ECPAS: variants seen among roughly 807,000 people sequenced by gnomAD.
ECPAS encodes the protein proteasome adapter and scaffold protein ECM29.
Under a neutral mutation model 255.1 loss-of-function variants are expected in ECPAS, and 70 were observed. The observed-to-expected ratio is 0.27, with a 90% CI of 0.23 to 0.33. The LOEUF is 0.33. Ranked by LOEUF, ECPAS falls within the 10% of genes least tolerant of loss-of-function variation. The probability of loss-of-function intolerance (pLI) is 1.00; values close to 1 mark genes in which losing one functional copy is unlikely to be tolerated. For missense variants in ECPAS, 1,817 were observed against 2,206.4 expected, an observed-to-expected ratio of 0.82 and a Z score of 3.54; for synonymous variants, 784 against 775.0, an observed-to-expected ratio of 1.01 and a Z score of -0.19.
chr9:111,384,653 G>A, intron 33 of ECPAS, 84 bp from the exon 34 acceptor site: 1 of 1,202,384 alleles, frequency 8.3e-7, no homozygotes, highest in Non-Finnish European at 1.2e-6. Flanking sequence ...AATTGCCTCA[G>A]GCCCTACAGA....
At chr9:111,462,759 T>C (rs1209413936) in intron 2 of ECPAS, among the ~76,000 whole-genome samples, 2 of 98,396 alleles carry the variant, frequency 2.0e-5, no homozygotes, top group African/African-American at 7.7e-5. Flanking sequence ...TTTTTTTTTT[T>C]TGAGACAGAG....
chr9:111,379,112 C>T (rs193143561), intron 35 of ECPAS, among the ~76,000 whole-genome samples: 4 of 152,174 alleles, frequency 2.6e-5, no homozygotes, highest in Admixed American at 2.6e-4. Context: ...TCATTTATAC[C>T]TCCTCCATAC....
In ECPAS at chr9:111,425,474, G is replaced by A. The variant is rs756389010; in HGVS notation, c.1159C>T (p.Pro387Ser). 3.3e-5 allele frequency: 53 copies of A among 1,598,814 alleles called. No homozygotes were observed. In the East Asian group the frequency reaches 3.8e-4, roughly 12 times the overall value. The change falls in exon 12 of 50, where the codon CCA becomes TCA. Residue 387 changes from proline to serine, a missense_variant. Physicochemically the swap from Pro to Ser is moderately conservative, Grantham distance 74. This residue lies in a region of ECPAS where 573 missense variants were observed against 716.2 expected (regional missense o/e 0.80). Coordinates refer to ENST00000684092, the MANE Select transcript of ECPAS (RefSeq NM_001364929.1). ...CITCPEIKIKPLGPMLLNGLT... is the reference protein window; with the variant it reads ...CITCPEIKIKSLGPMLLNGLT... Reference sequence around the variant, plus strand: ...CCATTCAAAAGCATTGGACCTAATGGCTTAATCTTGATTTCTGGACAGCTT... The same window carrying A: ...CCATTCAAAAGCATTGGACCTAATGACTTAATCTTGATTTCTGGACAGCTT...
intron 3 of ECPAS, among the ~76,000 whole-genome samples, chr9:111,447,138 T>C (rs1293421730): frequency 6.6e-6 from 1 of 152,060 alleles, no homozygotes; most frequent in African/African-American, 2.4e-5. Context: ...ATTTTTTTTT[T>C]TTCCGAGACA....
At chr9:111,404,244 G>A (rs1188168514) in intron 24 of ECPAS, among the ~76,000 whole-genome samples, 1 of 148,606 alleles carries the variant, frequency 6.7e-6, no homozygotes, top group Non-Finnish European at 1.5e-5. Context: ...AATTAATAAA[G>A]GAAAGAAATA....
At chr9:111,414,209 C>T (rs758844570) in intron 19 of ECPAS, among the ~76,000 whole-genome samples, 6 of 152,036 alleles carry the variant, frequency 3.9e-5, no homozygotes, top group Admixed American at 6.6e-5. Context: ...TTCTTCACAT[C>T]CACTTCCGAA....
rs1177478877 is a variant in ECPAS at position 111,362,175 on chromosome 9, T to C, written c.5381-6A>G. The C allele has an allele frequency of 2.1e-6, 3 of 1,422,070 alleles. No homozygotes were observed. In the South Asian group the frequency reaches 4.6e-5, roughly 22 times the overall value. 88.1% of individuals were successfully genotyped at this position (1,422,070 alleles called of 1,614,324 possible). ...ACATTCCCACTGTTTAGATTCTGCA[T>C]GAAAAAAAAAAAACAAAAACAAAAA... On this transcript the variant is annotated splice_polypyrimidine_tract_variant and splice_region_variant and intron_variant, in intron 49 of 49. Transcript: ENST00000684092.
chr9:111,454,948 T>C (rs2098265047), intron 2 of ECPAS, among the ~76,000 whole-genome samples: 1 of 152,034 alleles, frequency 6.6e-6, no homozygotes, highest in African/African-American at 2.4e-5. Context: ...AGACAGAGGC[T>C]GGTCTTGAAT....
intron 33 of ECPAS, among the ~76,000 whole-genome samples, chr9:111,385,104 C>G (rs1022828181): frequency 1.3e-5 from 2 of 152,090 alleles, no homozygotes; most frequent in African/African-American, 4.8e-5. Flanking sequence ...ATCATGAGAT[C>G]TCTATTGAAA....
chr9:111,393,775 C>G (rs763581313), intron 26 of ECPAS, 41 bp from the exon 27 acceptor site: 8 of 1,324,818 alleles, frequency 6.0e-6, no homozygotes, highest in Non-Finnish European at 8.6e-6. Flanking sequence ...GAAACTCTAC[C>G]TCTTTGAGAG....
intron 2 of ECPAS, among the ~76,000 whole-genome samples, chr9:111,452,449 G>A (rs1238262938): frequency 6.6e-6 from 1 of 152,052 alleles, no homozygotes; most frequent in Non-Finnish European, 1.5e-5. Context: ...ATATTTAAAG[G>A]AATCTTTTTT....
intron 2 of ECPAS, among the ~76,000 whole-genome samples, chr9:111,454,343 G>A (rs1187348078): frequency 6.6e-6 from 1 of 152,120 alleles, no homozygotes; most frequent in Non-Finnish European, 1.5e-5. Context: ...GGAGGGTGTG[G>A]AATATCCAGT....
Position 111,480,287 on chromosome 9 carries a change from C to CTT in ECPAS, c.-83+3827_-83+3828dup, listed in dbSNP as rs1282400347. Among the ~76,000 whole-genome samples the CTT allele has an allele frequency of 5.5e-3, 628 of 113,524 alleles. 28 individuals are homozygous for CTT. Among genetic ancestry groups the CTT allele is most frequent in the African/African-American group, 0.019 (552 of 29,284 alleles). The allele number at this position is 113,524 out of a possible 152,430, so 74.5% of individuals were successfully genotyped here. On this transcript the variant is annotated intron_variant, in intron 1 of 49. Coordinates refer to ENST00000684092, the MANE Select transcript of ECPAS (RefSeq NM_001364929.1). ...TTTTTAGTGGAATTCTTAAAAGCAC[C>CTT]TTTTCTTTTTTTTTTTTTTTTTTTT...
chr9:111,411,518 C>G (rs577330284), intron 21 of ECPAS: 31 of 188,368 alleles, frequency 1.6e-4, no homozygotes, highest in African/African-American at 7.2e-4. Context: ...CTTCCTATTG[C>G]CAACAAAAGA....
intron 27 of ECPAS, 37 bp downstream of exon 27, chr9:111,393,643 T>C (rs760891612): frequency 3.0e-5 from 40 of 1,313,756 alleles, no homozygotes; most frequent in Non-Finnish European, 4.2e-5. Context: ...AAAATACAAG[T>C]TCAATTAAGT....
chr9:111,383,404 C>A, intron 34 of ECPAS, 72 bp from the exon 35 acceptor site: 1 of 1,515,402 alleles, frequency 6.6e-7, no homozygotes, highest in East Asian at 2.4e-5. Context: ...TGACAAAAGA[C>A]TTTCTACTTC....
intron 2 of ECPAS, among the ~76,000 whole-genome samples, chr9:111,459,161 G>T (rs940378766): frequency 1.3e-5 from 2 of 152,000 alleles, no homozygotes; most frequent in African/African-American, 2.4e-5. Flanking sequence ...TATAAATATT[G>T]TATATAATTA....
chr9:111,437,213 C>T, intron 6 of ECPAS, 105 bp from the exon 7 acceptor site: 1 of 911,824 alleles, frequency 1.1e-6, no homozygotes, highest in Non-Finnish European at 1.5e-6. Context: ...CTGTATTTTA[C>T]TAGAAGAATG....
intron 33 of ECPAS, among the ~76,000 whole-genome samples, 164 bp from the exon 34 acceptor site, chr9:111,384,733 T>C (rs1335209461): frequency 6.6e-6 from 1 of 152,214 alleles, no homozygotes; most frequent in Non-Finnish European, 1.5e-5. Flanking sequence ...TCTCTGCCCA[T>C]CAAGGAACAC....
Sources: gnomAD v4.1 joint callset for allele counts (sites outside exome capture counted in the v4.1 genomes callset) on GRCh38, gnomAD v4.1.1 for gene constraint, gnomAD v4.1.1 regional missense constraint, MANE v1.5 for transcripts, NCBI Gene and HGNC (gene_info 2026-07-23, HGNC 2026-07-21) for gene names.